Variants in SIPA1L3 observed in about 807,000 individuals in gnomAD.
SIPA1L3 encodes the protein signal-induced proliferation-associated 1-like protein 3.
SIPA1L3 carries 59 observed loss-of-function variants against 150.1 expected under a neutral mutation model. The observed-to-expected ratio is 0.39, with a 90% confidence interval of 0.32 to 0.49. The LOEUF (loss-of-function observed/expected upper bound fraction) is 0.49. Among genes scored for constraint, SIPA1L3 ranks in the 20% least tolerant of loss-of-function variants. The pLI is 0.86. For synonymous variants in SIPA1L3, 1,070 were observed against 1,077.6 expected, an observed-to-expected ratio of 0.99 and a Z score of 0.14; for missense variants, 2,211 against 2,489.5, an observed-to-expected ratio of 0.89 and a Z score of 2.38.
At chr19:37,910,141 AAT>A (rs2046366230) in intron 1 of SIPA1L3, among the ~76,000 whole-genome samples, 1 of 152,180 alleles carries the variant, frequency 6.6e-6, no homozygotes, top group South Asian at 2.1e-4. Context: ...TTTGCTGTAA[AAT>A]ATATTTTACT....
At chr19:37,981,956 C>T (rs1643460) in intron 1 of SIPA1L3, among the ~76,000 whole-genome samples, 49,539 of 151,866 alleles carry the variant, frequency 0.33, 9,506 homozygotes, top group East Asian at 0.72. Context: ...GTGTGCAGTA[C>T]GTATTTGTGA....
intron 9 of SIPA1L3, among the ~76,000 whole-genome samples, chr19:38,126,249 A>AG (rs1445936457): frequency 6.6e-6 from 1 of 152,142 alleles, no homozygotes; most frequent in Non-Finnish European, 1.5e-5. Context: ...AGAGCTTAAA[A>AG]GGGGGGTGTG....
intron 1 of SIPA1L3, among the ~76,000 whole-genome samples, chr19:38,025,790 TCCCTCCTG>T (rs1968495451): frequency 1.3e-5 from 2 of 152,160 alleles, no homozygotes; most frequent in East Asian, 3.9e-4. Context: ...TGCGTCTGGT[TCCCTCCTG>T]CCCTGCCAAG....
intron 21 of SIPA1L3, among the ~76,000 whole-genome samples, chr19:38,205,331 G>A (rs554690507): frequency 2.6e-5 from 4 of 151,952 alleles, no homozygotes; most frequent in South Asian, 2.1e-4. Context: ...GGTGGTGCAC[G>A]CCTGTAATCC....
chr19:38,067,853 T>A (rs1969631003), intron 2 of SIPA1L3, among the ~76,000 whole-genome samples: 1 of 151,966 alleles, frequency 6.6e-6, no homozygotes, highest in East Asian at 1.9e-4. Flanking sequence ...TGGCTGAGAC[T>A]CCACTCGTTG....
intron 2 of SIPA1L3, among the ~76,000 whole-genome samples, chr19:38,056,310 C>G (rs1195632505): frequency 1.3e-5 from 2 of 152,252 alleles, no homozygotes; most frequent in African/African-American, 4.8e-5. Flanking sequence ...CCATGACAGC[C>G]AGTCGGGCCA....
At chr19:37,981,440 AG>A (rs1967199118) in intron 1 of SIPA1L3, among the ~76,000 whole-genome samples, 1 of 151,166 alleles carries the variant, frequency 6.6e-6, no homozygotes, top group Non-Finnish European at 1.5e-5. Flanking sequence ...AAAAAAAAAA[AG>A]AGTTTTGGTT....
intron 2 of SIPA1L3, among the ~76,000 whole-genome samples, chr19:38,062,495 G>A (rs971105773): frequency 1.3e-5 from 2 of 152,198 alleles, no homozygotes; most frequent in African/African-American, 4.8e-5. Flanking sequence ...CAGGTTTGAG[G>A]CCAGTCCTGA....
chr19:38,133,486 C>G (rs1363398504), intron 10 of SIPA1L3, among the ~76,000 whole-genome samples: 1 of 152,160 alleles, frequency 6.6e-6, no homozygotes, highest in Non-Finnish European at 1.5e-5. Context: ...CCCTAGCAAC[C>G]TCCAGAAGTG....
intron 15 of SIPA1L3, among the ~76,000 whole-genome samples, chr19:38,178,086 GGTGTGTGTGT>G (rs765404105): frequency 0.2 from 26,469 of 130,682 alleles, 3,011 homozygotes; most frequent in Non-Finnish European, 0.27. Context: ...GCAGGCTTTT[GGTGTGTGTGT>G]GTGTGTGTGT....
At chr19:37,962,463 CTTTTTTTT>C (rs71177491) in intron 1 of SIPA1L3, among the ~76,000 whole-genome samples, 55 of 73,102 alleles carry the variant, frequency 7.5e-4, no homozygotes, top group East Asian at 4.4e-3. Context: ...TGCAGCCGGC[CTTTTTTTT>C]TTTTTTTTTT....
At chr19:37,968,061 A>ATCTC (rs2046920168) in intron 1 of SIPA1L3, among the ~76,000 whole-genome samples, 1 of 81,010 alleles carries the variant, frequency 1.2e-5, no homozygotes, top group African/African-American at 6.1e-5. Context: ...TGATGGCCTC[A>ATCTC]TCTCTTTCTT....
chr19:38,129,026 C>T (rs1385627666), intron 9 of SIPA1L3, among the ~76,000 whole-genome samples: 2 of 152,150 alleles, frequency 1.3e-5, no homozygotes, highest in African/African-American at 4.8e-5. Flanking sequence ...TAAGCCATTC[C>T]GTTATCTTTC....
intron 1 of SIPA1L3, among the ~76,000 whole-genome samples, chr19:37,931,861 C>T (rs1220443047): frequency 6.6e-6 from 1 of 152,186 alleles, no homozygotes; most frequent in East Asian, 1.9e-4. Context: ...GTGTGACCTC[C>T]AGCCTATGAC....
At chr19:38,026,205 T>C (rs1475892988) in intron 1 of SIPA1L3, among the ~76,000 whole-genome samples, 2 of 152,210 alleles carry the variant, frequency 1.3e-5, no homozygotes, top group East Asian at 3.8e-4. Flanking sequence ...CTCAGCATTC[T>C]TCTGTGCTGA....
At chr19:37,990,576 T>A (rs532258930) in intron 1 of SIPA1L3, among the ~76,000 whole-genome samples, 31 of 152,338 alleles carry the variant, frequency 2.0e-4, no homozygotes, top group African/African-American at 6.7e-4. Flanking sequence ...TGAGTACAGC[T>A]CTTGCTCAGC....
intron 4 of SIPA1L3, among the ~76,000 whole-genome samples, chr19:38,092,679 G>T (rs1970286425): frequency 1.3e-5 from 2 of 152,134 alleles, no homozygotes; most frequent in South Asian, 2.1e-4. Flanking sequence ...GCTCTATGCT[G>T]GGCATGGAGG....
intron 1 of SIPA1L3, among the ~76,000 whole-genome samples, chr19:37,912,839 T>C (rs933183954): frequency 6.6e-6 from 1 of 152,156 alleles, no homozygotes; most frequent in African/African-American, 2.4e-5. Flanking sequence ...GAAAAAGTTA[T>C]ATTGCAGGGA....
rs1288726704 is a variant in SIPA1L3, at chr19:38,101,245, A to G, written c.2029+19A>G. Reference sequence around the variant, plus strand: ...GTCAAGAGTAAGTAGGGGGCCGGTTAGATCACAGTGAGCCACCACTGCACT... The same window carrying G: ...GTCAAGAGTAAGTAGGGGGCCGGTTGGATCACAGTGAGCCACCACTGCACT... On this transcript the variant is annotated intron_variant, in intron 6 of 21. Transcript: ENST00000222345. 7 of 1,496,288 alleles carry G rather than the reference A, an allele frequency of 4.7e-6. No homozygotes were observed. The Admixed American group carries it at 1.6e-4, about 33-fold the overall frequency. 92.7% of individuals were successfully genotyped at this position (1,496,288 alleles called of 1,614,324 possible). A position where few individuals can be genotyped will look rare whatever the true frequency, so the allele number is the denominator to read the frequency against.
Sources: allele counts gnomAD v4.1 joint callset (sites outside exome capture counted in the v4.1 genomes callset), GRCh38; gene constraint gnomAD v4.1.1; transcripts MANE v1.5; gene names NCBI Gene and HGNC (gene_info 2026-07-23, HGNC 2026-07-21).